Variants in GNB5 observed in about 807,000 individuals in gnomAD.
GNB5 encodes the protein G protein subunit beta 5, also known as guanine nucleotide-binding protein subunit beta-5.
In GNB5, 37 loss-of-function variants were observed where a neutral mutation model predicts 55.3. That is an observed-to-expected ratio of 0.67 (90% CI 0.51 to 0.88). The LOEUF (loss-of-function observed/expected upper bound fraction) is 0.88. Ranked by LOEUF, GNB5 falls within the 40% of genes least tolerant of loss-of-function variation. The pLI is 0.00. For missense variants in GNB5, 476 were observed against 515.3 expected (o/e 0.92, Z 0.74); for synonymous variants, 219 against 198.5 (o/e 1.10, Z -0.87).
intron 6 of GNB5, among the ~76,000 whole-genome samples, chr15:52,142,946 G>A (rs917685399): frequency 6.6e-6 from 1 of 152,096 alleles, no homozygotes; most frequent in African/African-American, 2.4e-5. Flanking sequence ...CCTGAGGTCA[G>A]GAGTTCAAGA....
At chr15:52,165,726 T>TA (rs1162002811) in intron 3 of GNB5, among the ~76,000 whole-genome samples, 2 of 149,094 alleles carry the variant, frequency 1.3e-5, no homozygotes, top group East Asian at 2.0e-4. Flanking sequence ...GAAAAACTGT[T>TA]ACCAGCTACT....
chr15:52,169,019 A>C (rs745536059), intron 3 of GNB5, among the ~76,000 whole-genome samples: 1 of 152,226 alleles, frequency 6.6e-6, no homozygotes, highest in South Asian at 2.1e-4. Context: ...TAAAAACCCT[A>C]GAAGAAAATC....
Position 52,188,023 on chromosome 15 carries a change from G to A in GNB5, c.-19+3299C>T, listed in dbSNP as rs531676256. Among the ~76,000 whole-genome samples, 9 of 151,828 alleles carry A rather than the reference G, an allele frequency of 5.9e-5. No individual in the cohort carries two copies. The South Asian group carries it at 1.9e-3, about 32-fold the overall frequency. ...GGACACAAAAAGGGGAAAGTAAATC[G>A]CCCACATGCCCTACACCAACAACTG... is the stretch of plus-strand genomic sequence containing the variant. On this transcript the variant is annotated intron_variant, in intron 1 of 12. Coordinates refer to ENST00000261837, the MANE Select transcript of GNB5 (RefSeq NM_016194.4).
chr15:52,137,787 C>A, intron 7 of GNB5: 2 of 1,242,722 alleles, frequency 1.6e-6, no homozygotes, highest in Admixed American at 2.6e-5. Context: ...CTGGAGCCAG[C>A]TGGGTACTGA....
Position 52,124,604 on chromosome 15 carries a change from T to A in GNB5, c.1045A>T (p.Ile349Phe), listed in dbSNP as rs565636542. ...LLFAGYNDYT[I>F]NVWDVLKGSR... ...CCTTTGAGAACATCCCAGACGTTGA[T>A]AGTGTAATCATTGTATCCAGCAAAC... Residue 349 changes from isoleucine to phenylalanine, a missense_variant, in exon 12 of 13, where the codon ATC (isoleucine) becomes TTC (phenylalanine). Ile to Phe is a conservative substitution (Grantham distance 21). Transcript: ENST00000261837. 2 of 1,614,098 alleles carry A rather than the reference T, an allele frequency of 1.2e-6. No homozygotes were observed. Among genetic ancestry groups the A allele is most frequent in the African/African-American group, 1.3e-5 (1 of 75,050 alleles).
intron 8 of GNB5, among the ~76,000 whole-genome samples, chr15:52,134,784 T>C (rs1319352593): frequency 6.6e-6 from 1 of 152,104 alleles, no homozygotes; most frequent in Non-Finnish European, 1.5e-5. Context: ...GTCTCACCAC[T>C]GCCTCCTGAC....
intron 8 of GNB5, among the ~76,000 whole-genome samples, chr15:52,133,976 C>T (rs1194873798): frequency 1.3e-5 from 2 of 152,234 alleles, no homozygotes; most frequent in African/African-American, 4.8e-5. Context: ...GCTGGAGAGC[C>T]AGGTGCCCCG....
intron 5 of GNB5, 78 bp from the exon 6 acceptor site, chr15:52,147,613 G>A: frequency 5.7e-6 from 4 of 696,146 alleles, no homozygotes; most frequent in Non-Finnish European, 9.5e-6. Flanking sequence ...TTGAGATGGA[G>A]TCTCACTCTG....
At chr15:52,175,429 C>T (rs1313675716) in intron 3 of GNB5, among the ~76,000 whole-genome samples, 1 of 152,162 alleles carries the variant, frequency 6.6e-6, no homozygotes, top group Non-Finnish European at 1.5e-5. Context: ...AGAAACAAGG[C>T]CTGTGTGTGT....
intron 1 of GNB5, among the ~76,000 whole-genome samples, chr15:52,189,509 G>A (rs1049639282): frequency 5.3e-5 from 8 of 152,158 alleles, no homozygotes; most frequent in Non-Finnish European, 7.3e-5. Flanking sequence ...GAACTTGGGG[G>A]ATGGAGGTTG....
Position 52,121,665 on chromosome 15 carries a change from C to T in GNB5, c.*1092G>A, listed in dbSNP as rs562823284. The T allele has an allele frequency of 1.3e-5, 2 of 150,108 alleles. No individual in the cohort carries two copies. Among genetic ancestry groups the T allele is most frequent in the South Asian group, 2.1e-4 (1 of 4,774 alleles). The allele number at this position is 150,108 out of a possible 1,614,324, so 9.3% of individuals were successfully genotyped here. A position where few individuals can be genotyped will look rare whatever the true frequency, so the allele number is the denominator to read the frequency against. ...CTTTGTCACCCAGGCTGCAGTGGCT[C>T]GACCTCGGCTCACTGCAAGCTCCAC... is the stretch of plus-strand genomic sequence containing the variant. On this transcript the variant is annotated 3_prime_UTR_variant, in exon 13 of 13. Coordinates refer to ENST00000261837, the MANE Select transcript of GNB5 (RefSeq NM_016194.4).
chr15:52,160,004 A>G (rs1219607600), intron 3 of GNB5, among the ~76,000 whole-genome samples: 1 of 151,294 alleles, frequency 6.6e-6, no homozygotes, highest in Non-Finnish European at 1.5e-5. Flanking sequence ...CTGGAGTGCA[A>G]TGGTGTGATC....
chr15:52,171,667 C>T (rs1226375036), intron 3 of GNB5, among the ~76,000 whole-genome samples: 1 of 152,152 alleles, frequency 6.6e-6, no homozygotes, highest in Non-Finnish European at 1.5e-5. Context: ...CGTCGGTACA[C>T]AGATCACATT....
intron 2 of GNB5, among the ~76,000 whole-genome samples, chr15:52,182,988 C>T (rs1044257798): frequency 6.6e-6 from 1 of 152,138 alleles, no homozygotes. Context: ...CCTCTCTCTA[C>T]TAAAAATACA....
Position 52,119,499 on chromosome 15 carries a change from G to C in GNB5, c.*3258C>G, listed in dbSNP as rs1212242121. 8.1e-6 allele frequency: 1 copy of C among 123,736 alleles called. No homozygotes were observed. Among genetic ancestry groups the C allele is most frequent in the South Asian group, 3.1e-4 (1 of 3,212 alleles). The allele number at this position is 123,736 out of a possible 1,614,324, so 7.7% of individuals were successfully genotyped here. On this transcript the variant is annotated 3_prime_UTR_variant, in exon 13 of 13. Transcript: ENST00000261837. ...GGAAATGGGAGAGAGGGAGGAGAGA[G>C]GGAGGAGGAGGGGAAGGGAAGAGAA...
At chr15:52,181,702 C>T (rs1430792583) in intron 2 of GNB5, among the ~76,000 whole-genome samples, 2 of 152,180 alleles carry the variant, frequency 1.3e-5, no homozygotes. Flanking sequence ...ATAGCAGATG[C>T]TTATTCACTG....
chr15:52,186,253 G>A (rs1349608793), intron 1 of GNB5, among the ~76,000 whole-genome samples: 7 of 152,120 alleles, frequency 4.6e-5, no homozygotes, highest in Non-Finnish European at 4.4e-5. Context: ...GCCCACTCCC[G>A]GTCCCTCTTT....
intron 4 of GNB5, among the ~76,000 whole-genome samples, chr15:52,151,408 C>T (rs1170571101): frequency 1.3e-5 from 2 of 152,184 alleles, no homozygotes; most frequent in Admixed American, 6.5e-5. Context: ...GTGTGGTCTC[C>T]TCGGTGAGCA....
chr15:52,153,998 T>C lies in GNB5; in HGVS notation c.317A>G (p.Asn106Ser), dbSNP rs1292938150. 1 of 1,613,974 alleles carries C rather than the reference T, an allele frequency of 6.2e-7. No individual in the cohort carries two copies. The highest frequency in any genetic ancestry group is 8.5e-7 in the Non-Finnish European group (1 of 1,179,900). ...GCACCAGTCCATGCACAGGACTTTG[T>C]TCCCGTGGCCTTTGAGGGTCCTTCT... is the stretch of plus-strand genomic sequence containing the variant. ...KTRRTLKGHGNKVLCMDWCKD... is the reference protein window; with the variant it reads ...KTRRTLKGHGSKVLCMDWCKD... Residue 106 changes from asparagine (N) to serine (S), a missense_variant, in exon 4 of 13, where the codon AAC becomes AGC. Physicochemically the swap from Asn to Ser is conservative, Grantham distance 46. Coordinates refer to ENST00000261837, the MANE Select transcript of GNB5 (RefSeq NM_016194.4).
Sources: allele counts gnomAD v4.1 joint callset (sites outside exome capture counted in the v4.1 genomes callset), GRCh38; gene constraint gnomAD v4.1.1; transcripts MANE v1.5; gene names NCBI Gene and HGNC (gene_info 2026-07-23, HGNC 2026-07-21).